The following CDH10 variants were observed in gnomAD, a reference collection of about 807,000 sequenced individuals.
The protein encoded by CDH10 is cadherin 10, also known as cadherin-10.
A neutral mutation model predicts 73.1 loss-of-function variants in CDH10; 30 were observed. That is an observed-to-expected ratio of 0.41 (90% CI 0.31 to 0.56). CDH10 has a LOEUF of 0.56. CDH10 is among the 20% of genes least tolerant of loss of function. The pLI is 0.27. For synonymous variants in CDH10, 345 were observed against 348.2 expected, an observed-to-expected ratio of 0.99 and a Z score of 0.10; for missense variants, 815 against 973.7, an observed-to-expected ratio of 0.84 and a Z score of 2.17.
Position 24,644,834 on chromosome 5 carries a change from GA to G in CDH10, c.-365del, listed in dbSNP as rs11380416. On this transcript the variant is annotated 5_prime_UTR_variant, in exon 1 of 12. The change abolishes the stop of an existing upstream ORF in the 5' untranslated region. Transcript: ENST00000264463. ...TCAGTGCTTCTGATTAAGGGGAAAG[GA>G]AAAAAAAAAAAAAGGAAAGGGGGGA... 55 of 139,184 alleles carry G rather than the reference GA, an allele frequency of 4.0e-4. No individual in the cohort carries two copies. Among genetic ancestry groups the G allele is most frequent in the African/African-American group, 8.6e-4 (32 of 37,058 alleles). 8.6% of individuals were successfully genotyped at this position (139,184 alleles called of 1,614,324 possible).
chr5:24,525,885 C>T (rs1199864799), intron 5 of CDH10, among the ~76,000 whole-genome samples: 2 of 152,064 alleles, frequency 1.3e-5, no homozygotes, highest in African/African-American at 2.4e-5. Flanking sequence ...TCCTGGAAAT[C>T]TGTTTTGCTA....
At chr5:24,640,756 T>C (rs1748022382) in intron 1 of CDH10, among the ~76,000 whole-genome samples, 1 of 151,956 alleles carries the variant, frequency 6.6e-6, no homozygotes, top group South Asian at 2.1e-4. Flanking sequence ...CTTATTTAAT[T>C]TGCAGCTTTC....
At chr5:24,600,625 C>A (rs114998910) in intron 1 of CDH10, among the ~76,000 whole-genome samples, 1 of 151,908 alleles carries the variant, frequency 6.6e-6, no homozygotes, top group Non-Finnish European at 1.5e-5. Context: ...TGTGTGTGTT[C>A]TGTACATGCA....
chr5:24,619,486 C>T (rs1263155657), intron 1 of CDH10, among the ~76,000 whole-genome samples: 2 of 152,120 alleles, frequency 1.3e-5, no homozygotes, highest in African/African-American at 4.8e-5. Context: ...AGCCACCGTG[C>T]CCGGCCTGAT....
chr5:24,588,527 T>G (rs962034822), intron 2 of CDH10, among the ~76,000 whole-genome samples: 1 of 152,176 alleles, frequency 6.6e-6, no homozygotes, highest in Non-Finnish European at 1.5e-5. Context: ...TTTCCACTTG[T>G]GCACTTGAGA....
At chr5:24,503,632 T>G (rs1579727232) in intron 8 of CDH10, among the ~76,000 whole-genome samples, 1 of 152,300 alleles carries the variant, frequency 6.6e-6, no homozygotes, top group East Asian at 1.9e-4. Context: ...TGAATAAAAT[T>G]TTGTAAATTA....
At chr5:24,520,237 T>C (rs1312151246) in intron 5 of CDH10, among the ~76,000 whole-genome samples, 2 of 152,180 alleles carry the variant, frequency 1.3e-5, no homozygotes, top group Admixed American at 6.5e-5. Context: ...TCAAACAGCA[T>C]GAGAACAGAT....
chr5:24,500,068 G>A (rs759629304), intron 8 of CDH10, among the ~76,000 whole-genome samples: 7 of 152,030 alleles, frequency 4.6e-5, no homozygotes, highest in Non-Finnish European at 1.0e-4. Flanking sequence ...ACCAACATGG[G>A]CTGTGGATAT....
At chr5:24,607,689 T>C (rs1746806667) in intron 1 of CDH10, among the ~76,000 whole-genome samples, 1 of 152,196 alleles carries the variant, frequency 6.6e-6, no homozygotes, top group Non-Finnish European at 1.5e-5. Flanking sequence ...AAGGTCAAAT[T>C]AATGATTTCT....
chr5:24,635,273 T>A (rs907006606), intron 1 of CDH10, among the ~76,000 whole-genome samples: 4 of 151,922 alleles, frequency 2.6e-5, no homozygotes, highest in Non-Finnish European at 5.9e-5. Context: ...ACTGCCTCTG[T>A]TCACCATTCT....
At chr5:24,611,589 T>G (rs559983221) in intron 1 of CDH10, among the ~76,000 whole-genome samples, 1 of 152,262 alleles carries the variant, frequency 6.6e-6, no homozygotes, top group South Asian at 2.1e-4. Flanking sequence ...TGTCTCCTAT[T>G]TTCAGAGTAG....
intron 1 of CDH10, among the ~76,000 whole-genome samples, chr5:24,632,411 A>C (rs1747733806): frequency 6.6e-6 from 1 of 152,082 alleles, no homozygotes; most frequent in African/African-American, 2.4e-5. Flanking sequence ...AATAATACCT[A>C]GTGTGCAGCA....
chr5:24,532,100 A>G (rs1341314029), intron 5 of CDH10, among the ~76,000 whole-genome samples: 3 of 152,208 alleles, frequency 2.0e-5, no homozygotes, highest in East Asian at 3.9e-4. Context: ...ACAATAAAAT[A>G]AATGAAAAAA....
In CDH10 at chr5:24,511,479, C is replaced by T. The variant is rs774321163; in HGVS notation, c.850G>A (p.Val284Ile). 6.9e-6 allele frequency: 11 copies of T among 1,603,616 alleles called. No individual in the cohort carries two copies. In the African/African-American group the frequency reaches 1.4e-4, roughly 20 times the overall value. ...TTGACACTTCCAATGGCTGTGCCAA[C>T]TGGGGAGGATTCAAGAACTCGAAGA... ...IHLRVLESSP[V>I]GTAIGSVKAT... The change falls in exon 6 of 12, where the codon GTT becomes ATT. Residue 284 changes from valine (V) to isoleucine (I), a missense_variant. By Grantham distance (29) the Val-to-Ile change is conservative. Coordinates refer to ENST00000264463, the MANE Select transcript of CDH10 (RefSeq NM_006727.5).
At chr5:24,553,939 T>TTGTCTGC (rs1579799682) in intron 2 of CDH10, 1 of 151,572 alleles carries the variant, frequency 6.6e-6, no homozygotes, top group East Asian at 2.0e-4. Context: ...CGCTATCCAG[T>TTGTCTGC]TGTCTGGCTG....
chr5:24,637,328 A>G (rs1223514614), intron 1 of CDH10, among the ~76,000 whole-genome samples: 3 of 152,000 alleles, frequency 2.0e-5, no homozygotes, highest in South Asian at 2.1e-4. Flanking sequence ...GGGTTTCTTC[A>G]GCAGTATATC....
At chr5:24,591,469 TAAAG>T (rs1052557325) in intron 2 of CDH10, among the ~76,000 whole-genome samples, 1 of 151,952 alleles carries the variant, frequency 6.6e-6, no homozygotes, top group African/African-American at 2.4e-5. Flanking sequence ...CAACACTCAT[TAAAG>T]AGTTTTCTAA....
intron 1 of CDH10, among the ~76,000 whole-genome samples, chr5:24,637,729 G>A (rs1311866763): frequency 2.6e-5 from 4 of 151,848 alleles, no homozygotes; most frequent in Non-Finnish European, 5.9e-5. Context: ...ATAATAAATA[G>A]CAACATATGA....
At chr5:24,535,912 G>A in intron 3 of CDH10, 90 bp from the exon 4 acceptor site, 1 of 913,550 alleles carries the variant, frequency 1.1e-6, no homozygotes, top group South Asian at 2.6e-5. Context: ...ATGATTTCTG[G>A]CTTTAATCAT....
Sources: gnomAD v4.1 joint callset for allele counts (sites outside exome capture counted in the v4.1 genomes callset) on GRCh38, gnomAD v4.1.1 for gene constraint, MANE v1.5 for transcripts, NCBI Gene and HGNC (gene_info 2026-07-23, HGNC 2026-07-21) for gene names.